Variants in GALNTL6 observed in about 807,000 individuals in gnomAD.
The protein encoded by GALNTL6 is polypeptide N-acetylgalactosaminyltransferase like 6.
A neutral mutation model predicts 73.7 loss-of-function variants in GALNTL6; 46 were observed. The ratio of observed to expected loss-of-function variants is 0.62; its 90% CI spans 0.49 to 0.80. The LOEUF (loss-of-function observed/expected upper bound fraction) is 0.80. Ranked by LOEUF, GALNTL6 falls within the 30% of genes least tolerant of loss-of-function variation. The probability of loss-of-function intolerance (pLI) is 0.00; values close to 1 mark genes in which losing one functional copy is unlikely to be tolerated. For synonymous variants in GALNTL6, 259 were observed against 263.7 expected, an observed-to-expected ratio of 0.98 and a Z score of 0.17; for missense variants, 604 against 755.0, an observed-to-expected ratio of 0.80 and a Z score of 2.34.
At chr4:172,352,693 C>T (rs780792613) in intron 5 of GALNTL6, among the ~76,000 whole-genome samples, 15 of 152,062 alleles carry the variant, frequency 9.9e-5, no homozygotes, top group Middle Eastern at 3.4e-3. Context: ...TGAGGATAGT[C>T]GCAGGAGAGT....
intron 5 of GALNTL6, among the ~76,000 whole-genome samples, chr4:172,791,733 G>A (rs568164118): frequency 3.3e-5 from 5 of 152,150 alleles, no homozygotes; most frequent in African/African-American, 1.2e-4. Flanking sequence ...CTACTTTTGG[G>A]TTCTATGAAA....
intron 5 of GALNTL6, among the ~76,000 whole-genome samples, chr4:172,409,440 A>G (rs1411886544): frequency 6.6e-6 from 1 of 152,046 alleles, no homozygotes; most frequent in African/African-American, 2.4e-5. Flanking sequence ...ACATAAAACA[A>G]TAACTGGATT....
At chr4:173,034,799 T>C (rs1753616653) in intron 12 of GALNTL6, among the ~76,000 whole-genome samples, 1 of 152,260 alleles carries the variant, frequency 6.6e-6, no homozygotes, top group African/African-American at 2.4e-5. Context: ...TTACATACTA[T>C]GTTCATTGCT....
chr4:172,849,417 G>A (rs1270488058), intron 7 of GALNTL6, among the ~76,000 whole-genome samples: 1 of 152,172 alleles, frequency 6.6e-6, no homozygotes, highest in Non-Finnish European at 1.5e-5. Context: ...CATTAGTTCT[G>A]TAAATGTAAG....
At chr4:172,004,642 T>G (rs1011883965) in intron 2 of GALNTL6, among the ~76,000 whole-genome samples, 3 of 152,090 alleles carry the variant, frequency 2.0e-5, no homozygotes, top group Admixed American at 2.0e-4. Flanking sequence ...TCAGATTAAT[T>G]TATAAAATAT....
intron 5 of GALNTL6, among the ~76,000 whole-genome samples, chr4:172,356,612 T>C (rs1283462966): frequency 2.0e-5 from 3 of 152,200 alleles, no homozygotes; most frequent in Non-Finnish European, 4.4e-5. Flanking sequence ...GAAATGTGTT[T>C]TAACAAAATT....
At chr4:172,294,776 G>T (rs931316034) in intron 3 of GALNTL6, among the ~76,000 whole-genome samples, 1 of 152,080 alleles carries the variant, frequency 6.6e-6, no homozygotes, top group African/African-American at 2.4e-5. Flanking sequence ...ATATTTAACA[G>T]GATTTCTCCT....
chr4:172,765,163 A>G (rs963147584), intron 5 of GALNTL6, among the ~76,000 whole-genome samples: 1 of 152,204 alleles, frequency 6.6e-6, no homozygotes, highest in Non-Finnish European at 1.5e-5. Context: ...GGAGGCAATT[A>G]AGACAAAAAT....
chr4:172,342,342 G>A (rs1180894686), intron 4 of GALNTL6, among the ~76,000 whole-genome samples: 2 of 152,154 alleles, frequency 1.3e-5, no homozygotes, highest in Non-Finnish European at 2.9e-5. Flanking sequence ...AATCAAAAGT[G>A]AAGAATGCTG....
At chr4:172,725,783 T>C (rs1294098248) in intron 5 of GALNTL6, among the ~76,000 whole-genome samples, 1 of 152,232 alleles carries the variant, frequency 6.6e-6, no homozygotes, top group Non-Finnish European at 1.5e-5. Flanking sequence ...CTAATATTTG[T>C]CATGCTTCTA....
At chr4:172,540,475 A>T (rs1386564276) in intron 5 of GALNTL6, among the ~76,000 whole-genome samples, 6 of 152,100 alleles carry the variant, frequency 3.9e-5, no homozygotes, top group African/African-American at 7.2e-5. Flanking sequence ...AATAAATAAA[A>T]AATATTGTAA....
chr4:172,825,116 T>TTCTTTCTTTCTC (rs1382208154), intron 7 of GALNTL6, among the ~76,000 whole-genome samples: 1 of 149,620 alleles, frequency 6.7e-6, no homozygotes, highest in Non-Finnish European at 1.5e-5. Context: ...CTTTCTTTCT[T>TTCTTTCTTTCTC]TCTTTCTTTC....
intron 5 of GALNTL6, among the ~76,000 whole-genome samples, chr4:172,787,204 A>G (rs937964721): frequency 6.6e-6 from 1 of 152,240 alleles, no homozygotes; most frequent in Non-Finnish European, 1.5e-5. Context: ...ATTTCAAACC[A>G]TAATGACCTC....
intron 2 of GALNTL6, among the ~76,000 whole-genome samples, chr4:172,058,279 TTTTTC>T (rs1731092357): frequency 1.3e-5 from 2 of 152,100 alleles, no homozygotes; most frequent in African/African-American, 2.4e-5. Flanking sequence ...TTAAAAGTAT[TTTTTC>T]TAGTCTCACC....
At chr4:172,707,001 G>A (rs750890692) in intron 5 of GALNTL6, among the ~76,000 whole-genome samples, 3 of 152,060 alleles carry the variant, frequency 2.0e-5, no homozygotes, top group Admixed American at 6.6e-5. Context: ...TGGTTTTCTT[G>A]CCAAGGAACC....
intron 2 of GALNTL6, among the ~76,000 whole-genome samples, chr4:171,878,713 GCT>G (rs1411972786): frequency 6.6e-6 from 1 of 152,074 alleles, no homozygotes; most frequent in Non-Finnish European, 1.5e-5. Context: ...ATATGGTATG[GCT>G]CTGTGTCCCC....
intron 2 of GALNTL6, among the ~76,000 whole-genome samples, chr4:171,880,674 A>T (rs1235734190): frequency 1.3e-5 from 2 of 152,174 alleles, no homozygotes; most frequent in Non-Finnish European, 2.9e-5. Context: ...GCAAAGCAGA[A>T]ATGAAAGGTC....
At chr4:172,944,239 A>G (rs935022488) in intron 9 of GALNTL6, among the ~76,000 whole-genome samples, 2 of 152,234 alleles carry the variant, frequency 1.3e-5, no homozygotes, top group Non-Finnish European at 2.9e-5. Flanking sequence ...AAAGGTTTGT[A>G]TCCATAATAC....
intron 5 of GALNTL6, among the ~76,000 whole-genome samples, chr4:172,465,371 G>C (rs1732773546): frequency 6.6e-6 from 1 of 151,980 alleles, no homozygotes; most frequent in Non-Finnish European, 1.5e-5. Context: ...CAGCTACTCG[G>C]GAGGCTGAGG....
Sources: gnomAD v4.1 joint callset for allele counts (sites outside exome capture counted in the v4.1 genomes callset) on GRCh38, gnomAD v4.1.1 for gene constraint, MANE v1.5 for transcripts, NCBI Gene and HGNC (gene_info 2026-07-23, HGNC 2026-07-21) for gene names.